Variants in RABGAP1L observed in about 807,000 individuals in gnomAD.
RABGAP1L encodes the protein RAB GTPase activating protein 1 like, also known as rab GTPase-activating protein 1-like.
A neutral mutation model predicts 137.7 loss-of-function variants in RABGAP1L; 63 were observed. The ratio of observed to expected loss-of-function variants is 0.46; its 90% CI spans 0.37 to 0.56. RABGAP1L has a LOEUF of 0.56. Ranked by LOEUF, RABGAP1L falls within the 20% of genes least tolerant of loss-of-function variation. The pLI, the probability that RABGAP1L is intolerant of heterozygous loss-of-function variation, is 0.00. For synonymous variants in RABGAP1L, 431 were observed against 433.7 expected, an observed-to-expected ratio of 0.99 and a Z score of 0.08; for missense variants, 1,095 against 1,244.0, an observed-to-expected ratio of 0.88 and a Z score of 1.80.
At chr1:174,678,541 T>C (rs1677814134) in intron 14 of RABGAP1L, among the ~76,000 whole-genome samples, 1 of 152,040 alleles carries the variant, frequency 6.6e-6, no homozygotes, top group Non-Finnish European at 1.5e-5. Flanking sequence ...ATATACAAGG[T>C]TGGTCCAGCA....
chr1:174,800,825 C>T (rs1688695911), intron 18 of RABGAP1L, among the ~76,000 whole-genome samples: 1 of 152,198 alleles, frequency 6.6e-6, no homozygotes, highest in Admixed American at 6.5e-5. Flanking sequence ...TTGATGTAGG[C>T]ATTCTGTTAT....
At chr1:174,838,866 C>T (rs539012877) in intron 19 of RABGAP1L, among the ~76,000 whole-genome samples, 17 of 122,566 alleles carry the variant, frequency 1.4e-4, no homozygotes, top group Admixed American at 1.2e-3. Flanking sequence ...TGTAGTGAGC[C>T]GAGATCGCAC....
chr1:174,343,565 T>A (rs1682170672), intron 11 of RABGAP1L, among the ~76,000 whole-genome samples: 1 of 152,216 alleles, frequency 6.6e-6, no homozygotes, highest in South Asian at 2.1e-4. Context: ...CTAATACATT[T>A]GATTTTTTAG....
intron 19 of RABGAP1L, among the ~76,000 whole-genome samples, chr1:174,819,431 G>C (rs527845990): frequency 2.0e-5 from 3 of 152,212 alleles, no homozygotes; most frequent in Admixed American, 1.3e-4. Context: ...ATATGAGATT[G>C]AGCAAAAGCA....
At chr1:174,746,771 G>A (rs1305092909) in intron 17 of RABGAP1L, among the ~76,000 whole-genome samples, 1 of 152,140 alleles carries the variant, frequency 6.6e-6, no homozygotes, top group African/African-American at 2.4e-5. Context: ...AAGTTACTTT[G>A]ATTTCTCTAA....
intron 18 of RABGAP1L, among the ~76,000 whole-genome samples, chr1:174,801,405 C>T (rs1001534075): frequency 2.6e-5 from 4 of 152,144 alleles, no homozygotes; most frequent in Admixed American, 2.0e-4. Flanking sequence ...CTATATCTCC[C>T]TTCACTATAA....
In RABGAP1L at chr1:174,394,262, C is replaced by T. The variant is rs569858552; in HGVS notation, c.1710+117C>T. On this transcript the variant is annotated intron_variant, in intron 13 of 25. Coordinates refer to ENST00000681986, the MANE Select transcript of RABGAP1L (RefSeq NM_001366446.1). ...AACTTCTTCATGAATATATTGAGGT[C>T]GTGAAGTCAGTACTTCTACCTTTTG... The T allele has an allele frequency of 1.6e-5, 20 of 1,218,500 alleles. No individual in the cohort carries two copies. The East Asian group carries it at 3.0e-4, about 18-fold the overall frequency. The allele number at this position is 1,218,500 out of a possible 1,614,324, so 75.5% of individuals were successfully genotyped here.
At chr1:174,321,614 G>T (rs958561580) in intron 11 of RABGAP1L, among the ~76,000 whole-genome samples, 1 of 152,114 alleles carries the variant, frequency 6.6e-6, no homozygotes, top group Non-Finnish European at 1.5e-5. Context: ...TAATGAATTT[G>T]ATTACAATTT....
At chr1:174,410,429 A>G (rs1030410608) in intron 13 of RABGAP1L, among the ~76,000 whole-genome samples, 6 of 152,296 alleles carry the variant, frequency 3.9e-5, no homozygotes, top group African/African-American at 1.2e-4. Context: ...TCTTCTGCAT[A>G]TGGCTAGCCA....
rs769527390 is a variant in RABGAP1L at position 174,784,530 on chromosome 1, A to G, written c.2212-27302A>G. On this transcript the variant is annotated intron_variant, in intron 18 of 25. Coordinates refer to ENST00000681986, the MANE Select transcript of RABGAP1L (RefSeq NM_001366446.1). ...CAAGCGTGGGACTGGTAGTGGAAAC[A>G]TCTTCTACCCAGACATGGTAATGTT... 5.9e-5 allele frequency among the ~76,000 whole-genome samples: 9 copies of G among 152,184 alleles called. No homozygotes were observed. In the South Asian group the frequency reaches 6.2e-4, roughly 11 times the overall value.
intron 11 of RABGAP1L, among the ~76,000 whole-genome samples, chr1:174,327,403 G>GT (rs947125199): frequency 5.6e-4 from 85 of 151,770 alleles, no homozygotes; most frequent in African/African-American, 1.7e-3. Flanking sequence ...TGGAGTTAGT[G>GT]TTTTTTTTGA....
At chr1:174,332,616 G>A (rs1179488498) in intron 11 of RABGAP1L, among the ~76,000 whole-genome samples, 3 of 151,918 alleles carry the variant, frequency 2.0e-5, no homozygotes, top group Non-Finnish European at 2.9e-5. Flanking sequence ...GGCTGGTCTC[G>A]TACTCTTGAC....
intron 14 of RABGAP1L, among the ~76,000 whole-genome samples, chr1:174,653,355 G>T (rs1042112905): frequency 6.6e-6 from 1 of 152,164 alleles, no homozygotes; most frequent in Admixed American, 6.5e-5. Context: ...AACTCCTGCA[G>T]CTAGCTTGGT....
intron 12 of RABGAP1L, among the ~76,000 whole-genome samples, chr1:174,376,077 GAGTAAAGTAA>G (rs1333677727): frequency 2.0e-5 from 3 of 149,270 alleles, no homozygotes; most frequent in East Asian, 3.9e-4. Flanking sequence ...AAATAAAGTA[GAGTAAAGTAA>G]AGTAAAGAAA....
At chr1:174,252,206 T>G (rs1672772721) in intron 6 of RABGAP1L, among the ~76,000 whole-genome samples, 1 of 152,180 alleles carries the variant, frequency 6.6e-6, no homozygotes, top group African/African-American at 2.4e-5. Context: ...TGTTGTCTTT[T>G]TTAAGATCTT....
At chr1:174,632,210 T>A (rs1427573867) in intron 13 of RABGAP1L, among the ~76,000 whole-genome samples, 2 of 138,214 alleles carry the variant, frequency 1.4e-5, no homozygotes, top group Non-Finnish European at 3.1e-5. Context: ...TTAAGAATGT[T>A]GAATATTGGC....
chr1:174,762,705 A>C lies in RABGAP1L; in HGVS notation c.2211+10351A>C, dbSNP rs899312086. ...ATTTATTGACTACTGACTTAGAGTC[A>C]AATTGAGAAAGCATAGGTTTTCTTT... On this transcript the variant is annotated intron_variant, in intron 18 of 25. Transcript: ENST00000681986. 6.6e-5 allele frequency among the ~76,000 whole-genome samples: 10 copies of C among 152,184 alleles called. No homozygotes were observed. In the East Asian group the frequency reaches 9.6e-4, roughly 15 times the overall value.
intron 19 of RABGAP1L, among the ~76,000 whole-genome samples, chr1:174,852,582 G>A (rs1648554675): frequency 6.6e-6 from 1 of 152,200 alleles, no homozygotes; most frequent in Admixed American, 6.5e-5. Flanking sequence ...GGGAGGCTGA[G>A]GCGGGCTGAT....
At chr1:174,659,635 A>C (rs556569459) in intron 14 of RABGAP1L, among the ~76,000 whole-genome samples, 56 of 152,310 alleles carry the variant, frequency 3.7e-4, no homozygotes, top group Non-Finnish European at 6.3e-4. Flanking sequence ...TTTAAATACC[A>C]TGCATTCATT....
Sources: allele counts gnomAD v4.1 joint callset (sites outside exome capture counted in the v4.1 genomes callset), GRCh38; gene constraint gnomAD v4.1.1; transcripts MANE v1.5; gene names NCBI Gene and HGNC (gene_info 2026-07-23, HGNC 2026-07-21).